UST: variants seen among roughly 807,000 people sequenced by gnomAD.
The protein encoded by UST is chondroitin sulfate 2-O-sulfotransferase.
Under a neutral mutation model 45.6 loss-of-function variants are expected in UST, and 21 were observed. The ratio of observed to expected loss-of-function variants is 0.46; its 90% CI spans 0.33 to 0.66. The LOEUF is 0.66. Ranked by LOEUF, UST falls within the 30% of genes least tolerant of loss-of-function variation. UST has a pLI of 0.02. For missense variants in UST, 463 were observed against 512.4 expected (o/e 0.90, Z 0.93); for synonymous variants, 215 against 200.6 (o/e 1.07, Z -0.61).
rs768611703 is a variant in UST, at chr6:148,964,590, G to T, written c.681+27G>T. 67 of 1,611,016 alleles carry T rather than the reference G, an allele frequency of 4.2e-5. No individual in the cohort carries two copies. The South Asian group carries it at 6.8e-4, about 16-fold the overall frequency. On this transcript the variant is annotated intron_variant, in intron 5 of 7. Transcript: ENST00000367463. ...TAAGTCCTGTCGCATGCAAAAGGCG[G>T]TCTCCCCACTGCCTGAGGAGTGGGC...
chr6:149,000,916 G>T (rs1198455542), intron 5 of UST, among the ~76,000 whole-genome samples: 1 of 152,118 alleles, frequency 6.6e-6, no homozygotes, highest in East Asian at 1.9e-4. Context: ...TTCAGAAACA[G>T]ATAGACAGAT....
chr6:148,759,353 G>A (rs1048425845), intron 1 of UST, among the ~76,000 whole-genome samples: 1 of 151,544 alleles, frequency 6.6e-6, no homozygotes, highest in Admixed American at 6.6e-5. Context: ...GTGAAACCCC[G>A]TCTCTACTAA....
chr6:148,836,726 CA>C (rs1157497776), intron 1 of UST, among the ~76,000 whole-genome samples: 1 of 152,130 alleles, frequency 6.6e-6, no homozygotes, highest in African/African-American at 2.4e-5. Context: ...AGAGGCCCTG[CA>C]AAAAGATGGA....
intron 6 of UST, among the ~76,000 whole-genome samples, chr6:149,020,315 C>T (rs945300852): frequency 1.3e-5 from 2 of 152,112 alleles, no homozygotes; most frequent in Non-Finnish European, 2.9e-5. Context: ...CCCCTGCCCC[C>T]GACCCTTGCC....
chr6:148,778,614 G>A (rs59507253), intron 1 of UST, among the ~76,000 whole-genome samples: 1,898 of 152,304 alleles, frequency 0.012, 40 homozygotes, highest in African/African-American at 0.043. Flanking sequence ...CTGGTGTGGG[G>A]TGCAGTCCTG....
chr6:149,069,620 C>T (rs530201411), intron 7 of UST, among the ~76,000 whole-genome samples: 2 of 152,192 alleles, frequency 1.3e-5, no homozygotes, highest in Non-Finnish European at 2.9e-5. Context: ...CCAACTCCCC[C>T]ATCCTAACCA....
At chr6:148,969,622 C>A (rs1159078093) in intron 5 of UST, among the ~76,000 whole-genome samples, 1 of 152,114 alleles carries the variant, frequency 6.6e-6, no homozygotes, top group East Asian at 1.9e-4. Flanking sequence ...ATGCTCCCAC[C>A]CCCTTGGCTC....
At chr6:149,064,382 A>G (rs577464791) in intron 7 of UST, among the ~76,000 whole-genome samples, 1 of 152,346 alleles carries the variant, frequency 6.6e-6, no homozygotes, top group South Asian at 2.1e-4. Flanking sequence ...AGAGACCTCT[A>G]CAGCACTGGG....
In UST at chr6:148,828,035, A is replaced by T. The variant is rs1777607285; in HGVS notation, c.248-58951A>T. Among the ~76,000 whole-genome samples, 3 of 151,988 alleles carry T rather than the reference A, an allele frequency of 2.0e-5. No homozygotes were observed. In the South Asian group the frequency reaches 6.2e-4, roughly 31 times the overall value. ...AAATGTTGCCATATGTTTAAGAATG[A>T]ATTTGAACCATTCACTTTCTGAATC... On this transcript the variant is annotated intron_variant, in intron 1 of 7. Coordinates refer to ENST00000367463, the MANE Select transcript of UST (RefSeq NM_005715.3).
intron 7 of UST, among the ~76,000 whole-genome samples, chr6:149,038,939 C>T (rs1357511291): frequency 6.6e-6 from 1 of 151,996 alleles, no homozygotes; most frequent in Non-Finnish European, 1.5e-5. Flanking sequence ...AACAGAAAAA[C>T]AATGAAAAAT....
intron 7 of UST, among the ~76,000 whole-genome samples, chr6:149,029,906 GTGTGGT>G (rs1466477375): frequency 6.9e-6 from 1 of 145,304 alleles, no homozygotes; most frequent in Non-Finnish European, 1.5e-5. Context: ...GTGTGTGTGT[GTGTGGT>G]GTGTGCACCT....
chr6:148,802,172 A>G (rs932976052), intron 1 of UST, among the ~76,000 whole-genome samples: 4 of 152,224 alleles, frequency 2.6e-5, no homozygotes, highest in African/African-American at 9.6e-5. Flanking sequence ...GCTAAGGCTC[A>G]TAGCTGCTGC....
intron 1 of UST, among the ~76,000 whole-genome samples, chr6:148,847,606 G>A (rs146041454): frequency 6.6e-6 from 1 of 152,194 alleles, no homozygotes; most frequent in African/African-American, 2.4e-5. Context: ...ATACCAGGAG[G>A]TGGGGAGAAC....
chr6:148,846,312 T>C (rs1271012273), intron 1 of UST, among the ~76,000 whole-genome samples: 1 of 151,714 alleles, frequency 6.6e-6, no homozygotes, highest in South Asian at 2.1e-4. Context: ...ATGGATGAAA[T>C]TGGAAATCAT....
At chr6:148,963,664 G>C (rs1422876568) in intron 4 of UST, among the ~76,000 whole-genome samples, 5 of 152,138 alleles carry the variant, frequency 3.3e-5, no homozygotes, top group African/African-American at 1.2e-4. Context: ...CTCAACTCCA[G>C]AAATCACTTT....
intron 7 of UST, among the ~76,000 whole-genome samples, chr6:149,045,555 C>T (rs758621112): frequency 1.3e-5 from 2 of 152,206 alleles, no homozygotes; most frequent in Non-Finnish European, 2.9e-5. Flanking sequence ...GGGTACCCTG[C>T]GGATCTCTAG....
At chr6:148,806,022 C>T (rs753195087) in intron 1 of UST, among the ~76,000 whole-genome samples, 1 of 151,796 alleles carries the variant, frequency 6.6e-6, no homozygotes, top group South Asian at 2.1e-4. Flanking sequence ...TTTACAGGAA[C>T]TGGGAGGACC....
At chr6:148,907,618 G>C (rs1779388464) in intron 2 of UST, among the ~76,000 whole-genome samples, 1 of 152,068 alleles carries the variant, frequency 6.6e-6, no homozygotes, top group Non-Finnish European at 1.5e-5. Flanking sequence ...GAAAGAAAAG[G>C]GTGGCCATTT....
chr6:148,818,346 G>A (rs1777394549), intron 1 of UST, among the ~76,000 whole-genome samples: 1 of 152,156 alleles, frequency 6.6e-6, no homozygotes, highest in African/African-American at 2.4e-5. Flanking sequence ...GTGTACACAC[G>A]ACTTGTTCTA....
Sources: allele counts gnomAD v4.1 joint callset (sites outside exome capture counted in the v4.1 genomes callset), GRCh38; gene constraint gnomAD v4.1.1; transcripts MANE v1.5; gene names NCBI Gene and HGNC (gene_info 2026-07-23, HGNC 2026-07-21).